The following ULK4 variants were observed in gnomAD, a reference collection of about 807,000 sequenced individuals.
ULK4 encodes inactive serine/threonine-protein kinase ULK4.
In ULK4, 133 loss-of-function variants were observed where a neutral mutation model predicts 160.6. The ratio of observed to expected loss-of-function variants is 0.83; its 90% CI spans 0.72 to 0.96. The LOEUF is 0.96. Ranked by LOEUF, ULK4 falls within the 40% of genes least tolerant of loss-of-function variation. ULK4 has a pLI of 0.00. For missense variants in ULK4, 1,580 were observed against 1,499.5 expected, an observed-to-expected ratio of 1.05 and a Z score of -0.89; for synonymous variants, 534 against 539.8, an observed-to-expected ratio of 0.99 and a Z score of 0.15.
chr3:41,874,226 G>C (rs985153250), intron 17 of ULK4, among the ~76,000 whole-genome samples: 23 of 152,114 alleles, frequency 1.5e-4, no homozygotes, highest in Admixed American at 4.6e-4. Context: ...AGAGGAAGTG[G>C]TGCAATCGTG....
At chr3:41,532,931 A>G (rs546351634) in intron 32 of ULK4, among the ~76,000 whole-genome samples, 39 of 152,340 alleles carry the variant, frequency 2.6e-4, no homozygotes, top group Non-Finnish European at 4.7e-4. Context: ...TTGAACCAAT[A>G]TGGCTTAGTG....
intron 19 of ULK4, among the ~76,000 whole-genome samples, chr3:41,808,636 G>C (rs1471774176): frequency 6.6e-6 from 1 of 152,176 alleles, no homozygotes; most frequent in East Asian, 1.9e-4. Context: ...AAATAGCTAG[G>C]CTTATTAATG....
At chr3:41,729,921 G>A (rs1038746702) in intron 22 of ULK4, among the ~76,000 whole-genome samples, 3 of 152,042 alleles carry the variant, frequency 2.0e-5, no homozygotes, top group Non-Finnish European at 4.4e-5. Context: ...CAATGTCATA[G>A]GACAGATTTT....
At chr3:41,896,799 T>C in intron 15 of ULK4, 23 bp downstream of exon 15, 1 of 1,593,140 alleles carries the variant, frequency 6.3e-7, no homozygotes, top group South Asian at 1.1e-5. Context: ...TTAAAATGCA[T>C]AAGGCATGTC....
intron 31 of ULK4, among the ~76,000 whole-genome samples, chr3:41,576,358 G>GA (rs1224729650): frequency 6.6e-6 from 1 of 152,174 alleles, no homozygotes; most frequent in Non-Finnish European, 1.5e-5. Context: ...CAAGTGTAGA[G>GA]AAACTATTGG....
chr3:41,453,268 T>C (rs955162998), intron 34 of ULK4, among the ~76,000 whole-genome samples: 4 of 152,256 alleles, frequency 2.6e-5, no homozygotes, highest in African/African-American at 4.8e-5. Context: ...CTCACACTCC[T>C]GGGCTCAAGC....
intron 31 of ULK4, among the ~76,000 whole-genome samples, chr3:41,613,854 G>A (rs1031041998): frequency 6.6e-6 from 1 of 152,190 alleles, no homozygotes; most frequent in African/African-American, 2.4e-5. Context: ...GTTCTGGTTA[G>A]AAAAAGAGCA....
chr3:41,351,445 T>C (rs530985474), intron 35 of ULK4, among the ~76,000 whole-genome samples: 2 of 152,368 alleles, frequency 1.3e-5, no homozygotes, highest in Admixed American at 6.5e-5. Flanking sequence ...ACAAAAATGC[T>C]GCAGAAGTAA....
intron 35 of ULK4, among the ~76,000 whole-genome samples, chr3:41,278,924 A>C (rs980280043): frequency 6.6e-6 from 1 of 152,150 alleles, no homozygotes; most frequent in Non-Finnish European, 1.5e-5. Flanking sequence ...CCGGCAGCGG[A>C]AAAAAACTGG....
chr3:41,270,421 G>T lies in ULK4; in HGVS notation c.3679-20847C>A, dbSNP rs200107640. On this transcript the variant is annotated intron_variant, in intron 35 of 36. Transcript: ENST00000301831. ...TAGAGTTGTCCTGCACATTTGTGGG[G>T]TCTGGGTCCTTAGAGTCACGAAGCA... 2.2e-3 allele frequency among the ~76,000 whole-genome samples: 327 copies of T among 150,606 alleles called. 1 individual carries two copies. The highest frequency in any genetic ancestry group is 0.016 in the East Asian group (77 of 4,966).
At position 41,789,812 on chromosome 3, in the gene ULK4, G is replaced by A; in HGVS notation, c.2042C>T (p.Thr681Ile). ...CTTTTCAATAACATTCTGGAAGGCA[G>A]TAGGAGAATGGCGAGTGATTCTACA... is the stretch of plus-strand genomic sequence containing the variant. ...ALCRITRHSP[T>I]AFQNVIEKVG... Residue 681 changes from threonine to isoleucine, a missense_variant, in exon 21 of 37, where the codon ACT becomes ATT. Thr to Ile is a moderately conservative substitution (Grantham distance 89). Coordinates refer to ENST00000301831, the MANE Select transcript of ULK4 (RefSeq NM_017886.4). 1.9e-6 allele frequency: 3 copies of A among 1,612,568 alleles called. No homozygotes were observed. The highest frequency in any genetic ancestry group is 2.2e-5 in the East Asian group (1 of 44,772).
intron 31 of ULK4, among the ~76,000 whole-genome samples, chr3:41,602,345 G>GGGAAA (rs141721763): frequency 2.9e-5 from 4 of 140,272 alleles, no homozygotes; most frequent in Non-Finnish European, 6.2e-5. Flanking sequence ...AAAGGAGGAA[G>GGGAAA]GGAAAGGAAA....
chr3:41,918,896 T>C (rs994075288), intron 6 of ULK4, among the ~76,000 whole-genome samples: 2 of 152,160 alleles, frequency 1.3e-5, no homozygotes, highest in African/African-American at 4.8e-5. Context: ...CCACCACACC[T>C]GGCCTTGCTA....
intron 31 of ULK4, among the ~76,000 whole-genome samples, chr3:41,595,769 G>C (rs2031648636): frequency 6.6e-6 from 1 of 152,120 alleles, no homozygotes; most frequent in Non-Finnish European, 1.5e-5. Flanking sequence ...GATAGTCATT[G>C]GTGACATTAA....
intron 27 of ULK4, among the ~76,000 whole-genome samples, chr3:41,686,698 A>G (rs2036112583): frequency 6.6e-6 from 1 of 152,180 alleles, no homozygotes; most frequent in South Asian, 2.1e-4. Flanking sequence ...TCACACTCAC[A>G]GAGGAGGACT....
intron 32 of ULK4, among the ~76,000 whole-genome samples, chr3:41,540,636 T>C (rs955831369): frequency 1.3e-5 from 2 of 152,212 alleles, no homozygotes; most frequent in African/African-American, 4.8e-5. Context: ...ATGGTTGAAC[T>C]AATTTACACT....
At chr3:41,917,736 C>T (rs1699017137) in intron 7 of ULK4, among the ~76,000 whole-genome samples, 1 of 152,038 alleles carries the variant, frequency 6.6e-6, no homozygotes, top group Non-Finnish European at 1.5e-5. Flanking sequence ...AATCCCAGCA[C>T]TTTGGGAGGC....
Position 41,572,676 on chromosome 3 carries a change from G to C in ULK4, c.3121-6546C>G, listed in dbSNP as rs191750087. On this transcript the variant is annotated intron_variant, in intron 31 of 36. Coordinates refer to ENST00000301831, the MANE Select transcript of ULK4 (RefSeq NM_017886.4). ...AGCTACTGAGGAGGCTGAGGCAGAAGAATGGCATGAACCCAGGAGGCGGAG... is the reference window on the plus strand; with the variant it reads ...AGCTACTGAGGAGGCTGAGGCAGAACAATGGCATGAACCCAGGAGGCGGAG... Among the ~76,000 whole-genome samples the C allele has an allele frequency of 8.7e-3, 1,309 of 150,098 alleles. 15 individuals are homozygous for C. Among genetic ancestry groups the C allele is most frequent in the Middle Eastern group, 0.038 (11 of 292 alleles).
intron 32 of ULK4, among the ~76,000 whole-genome samples, chr3:41,537,213 C>A (rs967319764): frequency 2.0e-5 from 3 of 151,780 alleles, no homozygotes; most frequent in Non-Finnish European, 4.4e-5. Flanking sequence ...GTTGCCATAT[C>A]CACAGTCTCA....
Sources: allele counts gnomAD v4.1 joint callset (sites outside exome capture counted in the v4.1 genomes callset), GRCh38; gene constraint gnomAD v4.1.1; transcripts MANE v1.5; gene names NCBI Gene and HGNC (gene_info 2026-07-23, HGNC 2026-07-21).